ABCA13: variants seen among roughly 807,000 people sequenced by gnomAD.
The protein encoded by ABCA13 is ATP-binding cassette sub-family A member 13.
In ABCA13, 476 loss-of-function variants were observed where a neutral mutation model predicts 478.7. That is an observed-to-expected ratio of 0.99 (90% CI 0.92 to 1.07). The LOEUF is 1.07. ABCA13 is among the 50% of genes least tolerant of loss of function. The pLI is 0.00. For synonymous variants in ABCA13, 2,252 were observed against 2,158.9 expected, an observed-to-expected ratio of 1.04 and a Z score of -1.20; for missense variants, 6,060 against 5,910.6, an observed-to-expected ratio of 1.03 and a Z score of -0.83.
At chr7:48,388,775 A>G (rs535057748) in intron 36 of ABCA13, among the ~76,000 whole-genome samples, 1 of 152,294 alleles carries the variant, frequency 6.6e-6, no homozygotes, top group South Asian at 2.1e-4. Flanking sequence ...ACTTAAACAA[A>G]AATACATGTG....
intron 6 of ABCA13, among the ~76,000 whole-genome samples, chr7:48,228,307 C>A (rs777129373): frequency 6.6e-6 from 1 of 152,070 alleles, no homozygotes; most frequent in Non-Finnish European, 1.5e-5. Context: ...GGGGATGTGT[C>A]CACGGAGCCC....
intron 15 of ABCA13, among the ~76,000 whole-genome samples, chr7:48,265,280 C>A (rs1426252711): frequency 6.6e-6 from 1 of 151,298 alleles, no homozygotes; most frequent in Non-Finnish European, 1.5e-5. Context: ...AGGTCATTTG[C>A]CTTTCCATAT....
rs183860946 is a variant in ABCA13, at chr7:48,566,052, A to G, written c.14355-14172A>G. Among the ~76,000 whole-genome samples the G allele has an allele frequency of 1.9e-3, 282 of 152,300 alleles. 1 individual carries two copies. The highest frequency in any genetic ancestry group is 6.5e-3 in the African/African-American group (271 of 41,570). On this transcript the variant is annotated intron_variant, in intron 55 of 61. Transcript: ENST00000435803. ...AATGAATTTAAAATACTATCTGGAAAGCAAATCAAATCAGGACCATTGAGC... is the reference window on the plus strand; with the variant it reads ...AATGAATTTAAAATACTATCTGGAAGGCAAATCAAATCAGGACCATTGAGC...
In ABCA13 at chr7:48,186,480, G is replaced by A. The variant is rs545917234; in HGVS notation, c.70-6479G>A. On this transcript the variant is annotated intron_variant, in intron 1 of 61. Coordinates refer to ENST00000435803, the MANE Select transcript of ABCA13 (RefSeq NM_152701.5). The stretch of plus-strand genomic sequence containing the variant: ...GAGATATTCTCTTTTACTTAGTTGT[G>A]TTGAAGTTTCACTATACCATGTCTT... Among the ~76,000 whole-genome samples the A allele has an allele frequency of 3.9e-4, 60 of 152,126 alleles. 2 individuals are homozygous for A. The highest frequency in any genetic ancestry group is 7.4e-5 in the Non-Finnish European group (5 of 67,902).
At chr7:48,440,155 C>T (rs1281912152) in intron 42 of ABCA13, among the ~76,000 whole-genome samples, 1 of 152,074 alleles carries the variant, frequency 6.6e-6, no homozygotes, top group Non-Finnish European at 1.5e-5. Flanking sequence ...TAGTAAATGG[C>T]ACAGATGTTA....
At chr7:48,492,085 C>T (rs1278220399) in intron 48 of ABCA13, among the ~76,000 whole-genome samples, 1 of 152,184 alleles carries the variant, frequency 6.6e-6, no homozygotes, top group Non-Finnish European at 1.5e-5. Flanking sequence ...AACCCTGATG[C>T]AGGCCGCTTG....
rs141517738 is a variant in ABCA13, at chr7:48,394,378, G to A, written c.11873+2239G>A. On this transcript the variant is annotated intron_variant, in intron 38 of 61. Transcript: ENST00000435803. ...GCACACTGAACAGGCCCTTCGCTGCGTTCGTGTTGTGATGGGCTCCGTGTG... is the reference window on the plus strand; with the variant it reads ...GCACACTGAACAGGCCCTTCGCTGCATTCGTGTTGTGATGGGCTCCGTGTG... 3.5e-4 allele frequency among the ~76,000 whole-genome samples: 54 copies of A among 152,260 alleles called. 1 individual carries two copies. Among genetic ancestry groups the A allele is most frequent in the African/African-American group, 1.1e-3 (46 of 41,536 alleles).
chr7:48,483,090 C>T lies in ABCA13; in HGVS notation c.13109C>T (p.Ser4370Phe). The change falls in exon 47 of 62, where the codon TCT becomes TTT. Residue 4370 changes from serine (S) to phenylalanine (F), a missense_variant. By Grantham distance (155) the Ser-to-Phe change is radical. Transcript: ENST00000435803. ...ATTGTTAACAGGCTTGGAGGTTGGT[C>T]TTTTGGATTAAAAATCCCCAGTGAA... ...PSEKPRLGGW[S>F]FGLKIPSEAG... The T allele has an allele frequency of 1.9e-6, 3 of 1,612,058 alleles. No homozygotes were observed.
chr7:48,439,224 G>A (rs1823256142), intron 42 of ABCA13, among the ~76,000 whole-genome samples: 1 of 152,062 alleles, frequency 6.6e-6, no homozygotes, highest in Admixed American at 6.6e-5. Flanking sequence ...TTTTTATCTA[G>A]AGCTCAGGGG....
chr7:48,297,444 G>C, intron 22 of ABCA13, 133 bp downstream of exon 22: 1 of 894,854 alleles, frequency 1.1e-6, no homozygotes, highest in Non-Finnish European at 1.7e-6. Context: ...CAACTTGGCT[G>C]GTATGATGTA....
At chr7:48,528,202 T>G in intron 54 of ABCA13, 34 bp from the exon 55 acceptor site, 2 of 1,479,886 alleles carry the variant, frequency 1.4e-6, no homozygotes, top group Non-Finnish European at 1.8e-6. Flanking sequence ...CTTGTTTGAT[T>G]GAATGTGCTT....
At chr7:48,421,050 CA>C (rs1180688042) in intron 41 of ABCA13, among the ~76,000 whole-genome samples, 2 of 152,142 alleles carry the variant, frequency 1.3e-5, no homozygotes, top group African/African-American at 4.8e-5. Flanking sequence ...TGGCATATTC[CA>C]GGGGTGATGC....
intron 57 of ABCA13, among the ~76,000 whole-genome samples, chr7:48,593,403 G>T (rs1789965480): frequency 6.6e-6 from 1 of 150,414 alleles, no homozygotes; most frequent in Admixed American, 6.6e-5. Flanking sequence ...CTACACTTTT[G>T]CTTCCAACCA....
intron 59 of ABCA13, among the ~76,000 whole-genome samples, chr7:48,641,434 G>A (rs1211197589): frequency 1.3e-5 from 2 of 152,178 alleles, no homozygotes; most frequent in Non-Finnish European, 2.9e-5. Flanking sequence ...TAGTTACACA[G>A]TGCCAGACAT....
intron 32 of ABCA13, among the ~76,000 whole-genome samples, chr7:48,369,633 A>G (rs1290996674): frequency 6.6e-6 from 1 of 152,136 alleles, no homozygotes; most frequent in Non-Finnish European, 1.5e-5. Flanking sequence ...TCCCAACATC[A>G]TTTGTTGAAT....
chr7:48,377,856 A>G (rs1351052674), intron 35 of ABCA13, among the ~76,000 whole-genome samples: 1 of 152,218 alleles, frequency 6.6e-6, no homozygotes, highest in African/African-American at 2.4e-5. Context: ...TAAGAAAGTA[A>G]TGTTACAAAA....
chr7:48,201,795 T>A (rs2128920508), intron 3 of ABCA13, among the ~76,000 whole-genome samples: 1 of 152,360 alleles, frequency 6.6e-6, no homozygotes, highest in African/African-American at 2.4e-5. Context: ...GGGTTCTTGG[T>A]CTCACTGACT....
At chr7:48,373,129 A>C (rs769388580) in intron 33 of ABCA13, among the ~76,000 whole-genome samples, 3 of 152,344 alleles carry the variant, frequency 2.0e-5, no homozygotes, top group East Asian at 1.9e-4. Context: ...CACTATAAAC[A>C]CTTGCACTGT....
At chr7:48,383,575 A>T (rs1242909062) in intron 35 of ABCA13, among the ~76,000 whole-genome samples, 1 of 152,220 alleles carries the variant, frequency 6.6e-6, no homozygotes, top group Non-Finnish European at 1.5e-5. Flanking sequence ...ATTGTGCCTT[A>T]TTTCACCTTT....
Sources: allele counts gnomAD v4.1 joint callset (sites outside exome capture counted in the v4.1 genomes callset), GRCh38; gene constraint gnomAD v4.1.1; transcripts MANE v1.5; gene names NCBI Gene and HGNC (gene_info 2026-07-23, HGNC 2026-07-21).